Variants in GRIA1 observed in about 807,000 individuals in gnomAD.
The protein encoded by GRIA1 is glutamate ionotropic receptor AMPA type subunit 1, also known as glutamate receptor 1.
In GRIA1, 31 loss-of-function variants were observed where a neutral mutation model predicts 99.2. That is an observed-to-expected ratio of 0.31 (90% CI 0.23 to 0.42). The LOEUF (loss-of-function observed/expected upper bound fraction) is 0.42. Ranked by LOEUF, GRIA1 falls within the 10% of genes least tolerant of loss-of-function variation. The pLI is 1.00. For synonymous variants in GRIA1, 438 were observed against 432.4 expected (o/e 1.01, Z -0.16); for missense variants, 782 against 1,157.5 (o/e 0.68, Z 4.71).
At chr5:153,807,826 T>A (rs1318152050) in intron 15 of GRIA1, among the ~76,000 whole-genome samples, 1 of 152,164 alleles carries the variant, frequency 6.6e-6, no homozygotes, top group Non-Finnish European at 1.5e-5. Flanking sequence ...AGCAGCAAAG[T>A]ATTATTCACC....
chr5:153,658,120 G>A (rs1271137268), intron 5 of GRIA1, among the ~76,000 whole-genome samples: 1 of 152,160 alleles, frequency 6.6e-6, no homozygotes, highest in East Asian at 1.9e-4. Context: ...ACCAAGGGTA[G>A]CAGGCAGTAT....
intron 11 of GRIA1, among the ~76,000 whole-genome samples, chr5:153,733,439 GA>G: frequency 6.6e-6 from 1 of 152,102 alleles, no homozygotes; most frequent in South Asian, 2.1e-4. Context: ...ATCACAAAGA[GA>G]AGAAGAAAGA....
chr5:153,569,705 T>C (rs1186059968), intron 2 of GRIA1, among the ~76,000 whole-genome samples: 1 of 152,232 alleles, frequency 6.6e-6, no homozygotes, highest in Non-Finnish European at 1.5e-5. Context: ...TAGGTTTTTG[T>C]ATATGGTTTG....
intron 2 of GRIA1, among the ~76,000 whole-genome samples, chr5:153,604,154 G>T (rs1412690149): frequency 2.0e-5 from 3 of 151,930 alleles, no homozygotes; most frequent in African/African-American, 4.8e-5. Flanking sequence ...CAATTAGAGG[G>T]GTGGGGGGAA....
chr5:153,785,546 C>G (rs1764919300), intron 13 of GRIA1, among the ~76,000 whole-genome samples: 1 of 152,086 alleles, frequency 6.6e-6, no homozygotes, highest in South Asian at 2.1e-4. Context: ...TATGTTAACA[C>G]TAAAAATTAA....
intron 13 of GRIA1, among the ~76,000 whole-genome samples, chr5:153,789,337 C>A (rs537716984): frequency 1.1e-4 from 15 of 142,070 alleles, no homozygotes; most frequent in Non-Finnish European, 1.4e-4. Flanking sequence ...ATATATATAT[C>A]TCCTACATAT....
intron 2 of GRIA1, among the ~76,000 whole-genome samples, chr5:153,540,048 C>T (rs1305318555): frequency 2.6e-5 from 4 of 152,188 alleles, no homozygotes; most frequent in East Asian, 1.9e-4. Flanking sequence ...AGGCCAGGTG[C>T]TTGGTAAGGT....
At chr5:153,505,043 G>C (rs1247580298) in intron 2 of GRIA1, among the ~76,000 whole-genome samples, 2 of 152,166 alleles carry the variant, frequency 1.3e-5, no homozygotes, top group African/African-American at 4.8e-5. Flanking sequence ...AGAGGGGACA[G>C]GGAGAGCCAG....
At chr5:153,556,572 A>G (rs1020219648) in intron 2 of GRIA1, among the ~76,000 whole-genome samples, 2 of 152,224 alleles carry the variant, frequency 1.3e-5, no homozygotes, top group Non-Finnish European at 2.9e-5. Context: ...TTGCAAGAAT[A>G]AACATTACTA....
chr5:153,524,500 A>G (rs1757434686), intron 2 of GRIA1, among the ~76,000 whole-genome samples: 1 of 152,222 alleles, frequency 6.6e-6, no homozygotes, highest in East Asian at 1.9e-4. Context: ...TATAAGGATG[A>G]ATAAACTTTC....
chr5:153,627,801 A>G (rs1477931335), intron 2 of GRIA1, among the ~76,000 whole-genome samples: 1 of 152,214 alleles, frequency 6.6e-6, no homozygotes, highest in African/African-American at 2.4e-5. Context: ...TACGAGAAAA[A>G]GTACGCCAGA....
At chr5:153,606,057 T>G (rs2149403396) in intron 2 of GRIA1, among the ~76,000 whole-genome samples, 1 of 152,316 alleles carries the variant, frequency 6.6e-6, no homozygotes, top group Non-Finnish European at 1.5e-5. Context: ...ATATTAACTT[T>G]TGGTGGCCTT....
At chr5:153,705,661 CATT>C in intron 10 of GRIA1, 33 bp from the exon 11 acceptor site, 1 of 781,106 alleles carries the variant, frequency 1.3e-6, no homozygotes. Flanking sequence ...AGCTCACCTG[CATT>C]TTTTTTTTTT....
At chr5:153,670,445 T>C (rs1437575455) in intron 5 of GRIA1, among the ~76,000 whole-genome samples, 3 of 64,094 alleles carry the variant, frequency 4.7e-5, no homozygotes, top group African/African-American at 1.3e-4. Context: ...TTAATTTCAT[T>C]TTTTTTTTTG....
At chr5:153,801,811 T>C (rs922131418) in intron 14 of GRIA1, among the ~76,000 whole-genome samples, 8 of 152,138 alleles carry the variant, frequency 5.3e-5, no homozygotes, top group Non-Finnish European at 1.0e-4. Flanking sequence ...TTATTATATA[T>C]ACAATAACTG....
At position 153,812,498 on chromosome 5, in the gene GRIA1, GT is replaced by G. The variant is rs1229947688; in HGVS notation, c.*1274del. ...GATGATGCTCTGTCATCTTTAGAAA[GT>G]GAGATAACCAAGGAAATAATTGAAG... On this transcript the variant is annotated 3_prime_UTR_variant, in exon 16 of 16. Coordinates refer to ENST00000285900, the MANE Select transcript of GRIA1 (RefSeq NM_000827.4). 1 of 152,226 alleles carries G rather than the reference GT, an allele frequency of 6.6e-6. No individual in the cohort carries two copies. The highest frequency in any genetic ancestry group is 1.9e-4 in the East Asian group (1 of 5,196). The allele number at this position is 152,226 out of a possible 1,614,324, so 9.4% of individuals were successfully genotyped here.
At position 153,674,352 on chromosome 5, in the gene GRIA1, A is replaced by C. The variant is rs553395045; in HGVS notation, c.700-148A>C. On this transcript the variant is annotated intron_variant, in intron 5 of 15. Coordinates refer to ENST00000285900, the MANE Select transcript of GRIA1 (RefSeq NM_000827.4). ...TTTGTGCACAAACTAAGTAATAATC[A>C]AGTTCAAAGGAAAGGAGGCCTAACT... 3.6e-4 allele frequency: 310 copies of C among 862,092 alleles called. 1 individual carries two copies. Among genetic ancestry groups the C allele is most frequent in the Non-Finnish European group, 6.2e-5 (33 of 533,866 alleles). The allele number at this position is 862,092 out of a possible 1,614,324, so 53.4% of individuals were successfully genotyped here.
chr5:153,803,344 C>T (rs1766184428), intron 15 of GRIA1, among the ~76,000 whole-genome samples: 3 of 152,278 alleles, frequency 2.0e-5, no homozygotes, highest in Admixed American at 2.0e-4. Context: ...TTCAAGGCCC[C>T]TCAACATTTA....
chr5:153,782,779 G>A (rs546218692), intron 13 of GRIA1, among the ~76,000 whole-genome samples: 8 of 152,254 alleles, frequency 5.3e-5, no homozygotes, highest in African/African-American at 1.2e-4. Context: ...GGCGGAAGAC[G>A]GGGAGGAAGG....
Sources: allele counts gnomAD v4.1 joint callset (sites outside exome capture counted in the v4.1 genomes callset), GRCh38; gene constraint gnomAD v4.1.1; transcripts MANE v1.5; gene names NCBI Gene and HGNC (gene_info 2026-07-23, HGNC 2026-07-21).